Variants in EPAS1 observed in about 807,000 individuals in gnomAD.
EPAS1 encodes the protein endothelial PAS domain protein 1, also known as endothelial PAS domain-containing protein 1.
EPAS1 carries 23 observed loss-of-function variants against 87.9 expected under a neutral mutation model. That is an observed-to-expected ratio of 0.26 (90% confidence interval 0.19 to 0.37). The LOEUF (loss-of-function observed/expected upper bound fraction) is 0.37, where lower values mean the gene tolerates loss of function less well. EPAS1 is among the 10% of genes least tolerant of loss of function. EPAS1 has a pLI of 1.00. For missense variants in EPAS1, 1,138 were observed against 1,120.7 expected (o/e 1.02, Z -0.22); for synonymous variants, 508 against 444.3 (o/e 1.14, Z -1.80).
intron 2 of EPAS1, among the ~76,000 whole-genome samples, chr2:46,348,990 C>T (rs962338094): frequency 6.6e-6 from 1 of 152,204 alleles, no homozygotes; most frequent in East Asian, 1.9e-4. Context: ...TAAGATTGCT[C>T]AAAGTCACAC....
chr2:46,375,665 C>A lies in EPAS1; in HGVS notation c.887-25C>A. The A allele has an allele frequency of 6.2e-7, 1 of 1,612,270 alleles. No individual in the cohort carries two copies. The highest frequency in any genetic ancestry group is 2.2e-5 in the East Asian group (1 of 44,810). The stretch of plus-strand genomic sequence containing the variant: ...CACACCCCTGCCCCACCTCCCTAAG[C>A]TCAGCTCTGTTTCTCCTCCCCTAGT... On this transcript the variant is annotated intron_variant, in intron 7 of 15. Transcript: ENST00000263734. The surrounding 1 kb of genome is among the most constrained non-coding windows in gnomAD (Gnocchi z 4.1).
intron 1 of EPAS1, among the ~76,000 whole-genome samples, chr2:46,329,161 C>A (rs903433202): frequency 2.6e-5 from 4 of 152,144 alleles, no homozygotes; most frequent in Non-Finnish European, 4.4e-5. Flanking sequence ...GGGGCATTTC[C>A]AGAAACCCTT....
At chr2:46,344,812 C>A (rs958884930) in intron 1 of EPAS1, among the ~76,000 whole-genome samples, 1 of 152,214 alleles carries the variant, frequency 6.6e-6, no homozygotes, top group African/African-American at 2.4e-5. Flanking sequence ...GAAGGTTCTT[C>A]TTGACCATCA....
In EPAS1 at chr2:46,384,588, C is replaced by A. The variant is rs752476478; in HGVS notation, c.2541C>A (p.Asn847Lys). ...TGACCAGATATGACTGTGAGGTGAA[C>A]GTGCCCGTGCTGGGAAGCTCCACGC... ...PELTRYDCEV[N>K]VPVLGSSTLL... Residue 847 changes from asparagine (N) to lysine (K), a missense_variant, in exon 16 of 16, where the codon AAC (asparagine) becomes AAA (lysine). Transcript: ENST00000263734. 5 of 1,614,040 alleles carry A rather than the reference C, an allele frequency of 3.1e-6. No homozygotes were observed. The African/African-American group carries it at 5.3e-5, about 17-fold the overall frequency.
intron 1 of EPAS1, among the ~76,000 whole-genome samples, chr2:46,339,376 G>A (rs369416403): frequency 2.5e-4 from 38 of 152,280 alleles, no homozygotes; most frequent in South Asian, 6.2e-4. Context: ...GTTTCTAATC[G>A]TGCCACATGG....
chr2:46,381,941 A>G (rs1445888273), intron 13 of EPAS1, 34 bp from the exon 14 acceptor site: 1 of 936,080 alleles, frequency 1.1e-6, no homozygotes. Context: ...TTCTCTGGCC[A>G]TTTCCCCTTT....
chr2:46,366,299 T>A (rs142533191), intron 6 of EPAS1, among the ~76,000 whole-genome samples: 89 of 152,338 alleles, frequency 5.8e-4, no homozygotes, highest in African/African-American at 2.0e-3. Context: ...TGAATAGAGC[T>A]TCTAAACAGT....
intron 1 of EPAS1, among the ~76,000 whole-genome samples, chr2:46,301,275 T>C (rs1452868232): frequency 1.3e-5 from 2 of 152,112 alleles, no homozygotes; most frequent in Non-Finnish European, 2.9e-5. Flanking sequence ...CAAGGAAAAT[T>C]AGTGCTGATA....
chr2:46,308,569 C>G (rs1683153496), intron 1 of EPAS1, among the ~76,000 whole-genome samples: 1 of 151,344 alleles, frequency 6.6e-6, no homozygotes, highest in Non-Finnish European at 1.5e-5. Flanking sequence ...GCTCTGCTTT[C>G]TTTATTCATG....
Position 46,297,661 on chromosome 2 carries a change from C to G in EPAS1, c.-251C>G. The G allele has an allele frequency of 1.8e-6, 1 of 545,278 alleles. No individual in the cohort carries two copies. The highest frequency in any genetic ancestry group is 2.1e-5 in the South Asian group (1 of 47,520). The allele number at this position is 545,278 out of a possible 1,614,324, so 33.8% of individuals were successfully genotyped here. On this transcript the variant is annotated 5_prime_UTR_variant, in exon 1 of 16. Coordinates refer to ENST00000263734, the MANE Select transcript of EPAS1 (RefSeq NM_001430.5). ...GTCCTCTTTTCGGGTCTGACAGCCT[C>G]CACCCACTCCTTCCCCGGACCCCGC...
chr2:46,356,107 C>T, intron 2 of EPAS1, 44 bp from the exon 3 acceptor site: 3 of 1,537,304 alleles, frequency 2.0e-6, no homozygotes, highest in South Asian at 1.1e-5. Context: ...CATCTGTTTT[C>T]ACTCCACATT....
chr2:46,301,578 GAAAAAA>G (rs3053642), intron 1 of EPAS1, among the ~76,000 whole-genome samples: 2 of 124,164 alleles, frequency 1.6e-5, no homozygotes, highest in Non-Finnish European at 3.4e-5. Flanking sequence ...CCGTCTCAAA[GAAAAAA>G]AAAAAAAAAA....
At chr2:46,316,070 A>G (rs933302264) in intron 1 of EPAS1, among the ~76,000 whole-genome samples, 1 of 152,224 alleles carries the variant, frequency 6.6e-6, no homozygotes, top group Admixed American at 6.5e-5. Context: ...ACTTTTCTCT[A>G]TATCATGAAT....
rs550831733 is a variant in EPAS1, at chr2:46,357,324, A to G, written c.454+516A>G. ...GCCAGACTAGGCTGGGGTGATCAGG[A>G]TAGCTCACACACGTCTGGGACCTTG... On this transcript the variant is annotated intron_variant, in intron 4 of 15. Coordinates refer to ENST00000263734, the MANE Select transcript of EPAS1 (RefSeq NM_001430.5). 2.0e-5 allele frequency among the ~76,000 whole-genome samples: 3 copies of G among 152,252 alleles called. No homozygotes were observed. In the East Asian group the frequency reaches 5.8e-4, roughly 29 times the overall value.
In EPAS1 at chr2:46,369,812, T is replaced by G; in HGVS notation, c.780-15T>G. ...TGGTCTTTCTTCCTTACATGCTGCC[T>G]TTTTAAAAACTCAGAATCACAGAAC... On this transcript the variant is annotated splice_polypyrimidine_tract_variant and intron_variant, in intron 6 of 15. Coordinates refer to ENST00000263734, the MANE Select transcript of EPAS1 (RefSeq NM_001430.5). 1 of 1,603,820 alleles carries G rather than the reference T, an allele frequency of 6.2e-7. No homozygotes were observed. The highest frequency in any genetic ancestry group is 1.1e-5 in the South Asian group (1 of 89,948).
At chr2:46,312,493 G>A (rs1295322146) in intron 1 of EPAS1, among the ~76,000 whole-genome samples, 3 of 151,714 alleles carry the variant, frequency 2.0e-5, no homozygotes, top group Non-Finnish European at 2.9e-5. Flanking sequence ...AATCACTTTT[G>A]CAACTATTAT....
Position 46,384,780 on chromosome 2 carries a change from C to T in EPAS1, c.*120C>T. On this transcript the variant is annotated 3_prime_UTR_variant, in exon 16 of 16. Transcript: ENST00000263734. Reference sequence around the variant, plus strand: ...GCACACTATTTACAAGATGGACTTACCTGGCAGACTTGCCCAGGTCACCAA... The same window carrying T: ...GCACACTATTTACAAGATGGACTTATCTGGCAGACTTGCCCAGGTCACCAA... The T allele has an allele frequency of 3.7e-6, 5 of 1,367,642 alleles. No individual in the cohort carries two copies. The highest frequency in any genetic ancestry group is 5.0e-6 in the Non-Finnish European group (5 of 996,606). 84.7% of individuals were successfully genotyped at this position (1,367,642 alleles called of 1,614,324 possible).
rs952980477 is a variant in EPAS1, at chr2:46,297,630, C to T, written c.-282C>T. 2 of 491,270 alleles carry T rather than the reference C, an allele frequency of 4.1e-6. No individual in the cohort carries two copies. The highest frequency in any genetic ancestry group is 7.3e-6 in the Non-Finnish European group (2 of 273,520). 30.4% of individuals were successfully genotyped at this position (491,270 alleles called of 1,614,324 possible). A position where few individuals can be genotyped will look rare whatever the true frequency, so the allele number is the denominator to read the frequency against. On this transcript the variant is annotated 5_prime_UTR_variant, in exon 1 of 16. Coordinates refer to ENST00000263734, the MANE Select transcript of EPAS1 (RefSeq NM_001430.5). The stretch of plus-strand genomic sequence containing the variant: ...GGGAAAAAGGAACTTGGGTTCCCTT[C>T]TCTCCGTCCTCTTTTCGGGTCTGAC...
intron 1 of EPAS1, among the ~76,000 whole-genome samples, chr2:46,323,325 A>T (rs1437438275): frequency 3.3e-5 from 5 of 152,260 alleles, no homozygotes; most frequent in African/African-American, 1.2e-4. Flanking sequence ...ATCAATAAAC[A>T]GTTGTTAAGA....
Sources: gnomAD v4.1 joint callset for allele counts (sites outside exome capture counted in the v4.1 genomes callset) on GRCh38, gnomAD v4.1.1 for gene constraint, Gnocchi (gnomAD v3.1) non-coding constraint, MANE v1.5 for transcripts, NCBI Gene and HGNC (gene_info 2026-07-23, HGNC 2026-07-21) for gene names.